The following FHIT variants were observed in gnomAD, a reference collection of about 807,000 sequenced individuals.
The protein encoded by FHIT is bis(5'-adenosyl)-triphosphatase.
Under a neutral mutation model 17.9 loss-of-function variants are expected in FHIT, and 19 were observed. That is an observed-to-expected ratio of 1.06 (90% CI 0.74 to 1.56). FHIT has a LOEUF of 1.56. FHIT is among the 40% of genes most tolerant of loss of function. The pLI is 0.00. For missense variants in FHIT, 248 were observed against 189.2 expected, an observed-to-expected ratio of 1.31 and a Z score of -1.82; for synonymous variants, 81 against 69.7, an observed-to-expected ratio of 1.16 and a Z score of -0.81.
intron 5 of FHIT, among the ~76,000 whole-genome samples, chr3:60,470,840 C>G (rs1345240022): frequency 1.3e-5 from 2 of 152,182 alleles, no homozygotes; most frequent in Non-Finnish European, 2.9e-5. Flanking sequence ...GCCAGCAGGG[C>G]TCTGAGTCTC....
chr3:61,087,729 T>C (rs1041192593), intron 2 of FHIT, among the ~76,000 whole-genome samples: 1 of 152,152 alleles, frequency 6.6e-6, no homozygotes. Flanking sequence ...TTACATGTTG[T>C]AATTCATTTC....
intron 5 of FHIT, among the ~76,000 whole-genome samples, chr3:60,468,843 T>C (rs895594143): frequency 1.3e-5 from 2 of 152,184 alleles, no homozygotes; most frequent in Non-Finnish European, 2.9e-5. Context: ...AAGAATCCTT[T>C]AGCATTTCTT....
At chr3:60,965,376 A>T (rs1553782919) in intron 3 of FHIT, among the ~76,000 whole-genome samples, 1 of 152,202 alleles carries the variant, frequency 6.6e-6, no homozygotes, top group Non-Finnish European at 1.5e-5. Context: ...ATGGGTTCGA[A>T]CATCCTCCTT....
chr3:61,049,076 G>A (rs1387583293), intron 2 of FHIT, among the ~76,000 whole-genome samples: 2 of 151,850 alleles, frequency 1.3e-5, no homozygotes, highest in Non-Finnish European at 2.9e-5. Flanking sequence ...GTATACATAT[G>A]TAACAAACCT....
chr3:60,290,879 G>C (rs1707952295), intron 5 of FHIT, among the ~76,000 whole-genome samples: 1 of 152,174 alleles, frequency 6.6e-6, no homozygotes. Context: ...GCTGTGCCAA[G>C]AACTCCTGAG....
intron 7 of FHIT, among the ~76,000 whole-genome samples, chr3:59,989,720 G>T (rs776910996): frequency 6.6e-6 from 1 of 151,968 alleles, no homozygotes; most frequent in African/African-American, 2.4e-5. Context: ...CTCAGGGAAC[G>T]TGAAGCTTCC....
intron 5 of FHIT, among the ~76,000 whole-genome samples, chr3:60,108,541 C>A (rs1347849016): frequency 6.6e-6 from 1 of 152,200 alleles, no homozygotes; most frequent in Non-Finnish European, 1.5e-5. Flanking sequence ...GCTCCTGCTA[C>A]TGACCACAGC....
chr3:59,925,166 C>A (rs931319), intron 7 of FHIT, among the ~76,000 whole-genome samples: 14,612 of 151,886 alleles, frequency 0.096, 828 homozygotes, highest in South Asian at 0.14. Flanking sequence ...TACAGTGATA[C>A]AATCATAGCT....
Position 60,463,718 on chromosome 3 carries a change from C to A in FHIT, c.103+73142G>T, listed in dbSNP as rs182570600. Among the ~76,000 whole-genome samples, 211 of 152,172 alleles carry A rather than the reference C, an allele frequency of 1.4e-3. 1 individual carries two copies. The highest frequency in any genetic ancestry group is 2.4e-3 in the Admixed American group (37 of 15,286). On this transcript the variant is annotated intron_variant, in intron 5 of 9. Coordinates refer to ENST00000492590, the MANE Select transcript of FHIT (RefSeq NM_002012.4). ...CCAGAAAATAGACATGGTTTCCAAT[C>A]AAAAAAACTTAGACCAGTTGAAACT...
intron 5 of FHIT, among the ~76,000 whole-genome samples, chr3:60,256,563 T>C (rs187924174): frequency 2.0e-3 from 297 of 152,300 alleles, no homozygotes; most frequent in African/African-American, 6.9e-3. Flanking sequence ...AGAGGACAGG[T>C]AACTTGCCTG....
chr3:61,058,832 C>T (rs556667223), intron 2 of FHIT, among the ~76,000 whole-genome samples: 1 of 152,312 alleles, frequency 6.6e-6, no homozygotes, highest in East Asian at 1.9e-4. Flanking sequence ...ATTATTGTCC[C>T]TATTTTACAA....
chr3:60,351,550 ACTT>A (rs1699394102), intron 5 of FHIT, among the ~76,000 whole-genome samples: 1 of 152,228 alleles, frequency 6.6e-6, no homozygotes, highest in Admixed American at 6.5e-5. Context: ...TACCTGTAAT[ACTT>A]CTAAGTTGCA....
At chr3:60,351,953 A>T (rs1490388811) in intron 5 of FHIT, among the ~76,000 whole-genome samples, 2 of 152,154 alleles carry the variant, frequency 1.3e-5, no homozygotes, top group Non-Finnish European at 2.9e-5. Context: ...GTTCCTCCTT[A>T]TAGCTTGCTA....
intron 1 of FHIT, among the ~76,000 whole-genome samples, chr3:61,210,108 C>T (rs181081263): frequency 7.0e-4 from 106 of 152,310 alleles, no homozygotes; most frequent in African/African-American, 2.5e-3. Context: ...GTATCAGCAG[C>T]CGTGGCTGCA....
At chr3:60,176,823 C>T (rs965037583) in intron 5 of FHIT, among the ~76,000 whole-genome samples, 2 of 152,126 alleles carry the variant, frequency 1.3e-5, no homozygotes, top group African/African-American at 4.8e-5. Flanking sequence ...CCTGCTCTAG[C>T]CTTTGGCTAT....
chr3:60,260,947 G>C (rs772137127), intron 5 of FHIT, among the ~76,000 whole-genome samples: 3 of 152,016 alleles, frequency 2.0e-5, no homozygotes, highest in Admixed American at 6.6e-5. Context: ...AAGTCTGGAA[G>C]TTACACTATA....
At chr3:59,966,793 A>G (rs1213202876) in intron 7 of FHIT, among the ~76,000 whole-genome samples, 1 of 152,152 alleles carries the variant, frequency 6.6e-6, no homozygotes, top group Non-Finnish European at 1.5e-5. Context: ...GGCCTGGGGC[A>G]TTACTGTACA....
intron 8 of FHIT, among the ~76,000 whole-genome samples, chr3:59,767,447 C>A (rs544213079): frequency 1.4e-4 from 21 of 152,028 alleles, no homozygotes; most frequent in African/African-American, 5.1e-4. Context: ...TGCAGTGAGC[C>A]GAGATTGTAT....
chr3:60,991,063 C>T (rs974097428), intron 3 of FHIT, among the ~76,000 whole-genome samples: 6 of 152,030 alleles, frequency 3.9e-5, no homozygotes, highest in African/African-American at 1.4e-4. Context: ...AGTAAGTCAA[C>T]GTGATAGAGA....
Sources: allele counts gnomAD v4.1 joint callset (sites outside exome capture counted in the v4.1 genomes callset), GRCh38; gene constraint gnomAD v4.1.1; transcripts MANE v1.5; gene names NCBI Gene and HGNC (gene_info 2026-07-23, HGNC 2026-07-21).